FSTL5: variants seen among roughly 807,000 people sequenced by gnomAD.
FSTL5 encodes the protein follistatin like 5.
Under a neutral mutation model 89.1 loss-of-function variants are expected in FSTL5, and 62 were observed. The ratio of observed to expected loss-of-function variants is 0.70; its 90% confidence interval spans 0.57 to 0.86. The LOEUF (loss-of-function observed/expected upper bound fraction) is 0.86, where lower values mean the gene tolerates loss of function less well. Ranked by LOEUF, FSTL5 falls within the 40% of genes least tolerant of loss-of-function variation. FSTL5 has a pLI of 0.00. For synonymous variants in FSTL5, 383 were observed against 346.2 expected (o/e 1.11, Z -1.18); for missense variants, 1,057 against 1,001.6 (o/e 1.06, Z -0.75).
chr4:161,645,927 T>C (rs1264735839), intron 7 of FSTL5, among the ~76,000 whole-genome samples: 2 of 151,866 alleles, frequency 1.3e-5, no homozygotes, highest in African/African-American at 4.8e-5. Flanking sequence ...TGAAGTGGAA[T>C]AAGAAGTGCA....
chr4:161,616,271 GAT>G (rs1411163223), intron 7 of FSTL5, among the ~76,000 whole-genome samples: 3 of 151,960 alleles, frequency 2.0e-5, no homozygotes, highest in African/African-American at 7.3e-5. Flanking sequence ...TATTTTTAGA[GAT>G]GGGGTTTCAC....
intron 9 of FSTL5, among the ~76,000 whole-genome samples, chr4:161,539,204 T>C (rs1472063055): frequency 6.6e-6 from 1 of 151,952 alleles, no homozygotes; most frequent in East Asian, 1.9e-4. Flanking sequence ...TGTGTGTGTT[T>C]GTGTACATAT....
At chr4:161,629,820 G>C (rs1302341159) in intron 7 of FSTL5, among the ~76,000 whole-genome samples, 2 of 152,168 alleles carry the variant, frequency 1.3e-5, no homozygotes, top group African/African-American at 2.4e-5. Flanking sequence ...GCCTGACTAC[G>C]GGAAATTACA....
intron 10 of FSTL5, among the ~76,000 whole-genome samples, chr4:161,534,430 T>C (rs564661753): frequency 6.6e-6 from 1 of 152,178 alleles, no homozygotes; most frequent in East Asian, 1.9e-4. Flanking sequence ...TATATACCAA[T>C]TCCATTGTAG....
chr4:161,560,540 A>T (rs1457127191), intron 8 of FSTL5, among the ~76,000 whole-genome samples: 1 of 150,804 alleles, frequency 6.6e-6, no homozygotes, highest in Non-Finnish European at 1.5e-5. Context: ...AAATGTACAA[A>T]TTTTTTATAT....
At chr4:161,720,204 C>A (rs377454586) in intron 6 of FSTL5, among the ~76,000 whole-genome samples, 18 of 142,056 alleles carry the variant, frequency 1.3e-4, no homozygotes, top group South Asian at 2.2e-4. Flanking sequence ...AACACAATAG[C>A]AAAAAAAAAA....
At chr4:161,727,743 T>C (rs1739469992) in intron 6 of FSTL5, among the ~76,000 whole-genome samples, 2 of 152,158 alleles carry the variant, frequency 1.3e-5, no homozygotes, top group African/African-American at 4.8e-5. Context: ...GAAATGCCTC[T>C]ATTTGCCCTT....
chr4:161,889,599 G>A (rs1021560007), intron 4 of FSTL5, among the ~76,000 whole-genome samples: 18 of 152,142 alleles, frequency 1.2e-4, no homozygotes, highest in African/African-American at 1.7e-4. Context: ...AGCCAAGATC[G>A]TGCCATTGCA....
At chr4:161,945,708 T>TG (rs1185856580) in intron 3 of FSTL5, among the ~76,000 whole-genome samples, 1 of 152,084 alleles carries the variant, frequency 6.6e-6, no homozygotes, top group Non-Finnish European at 1.5e-5. Flanking sequence ...GCCAAGATGG[T>TG]GCCATTGCAC....
intron 7 of FSTL5, among the ~76,000 whole-genome samples, chr4:161,653,150 A>G (rs958115177): frequency 2.0e-5 from 3 of 152,188 alleles, no homozygotes; most frequent in African/African-American, 7.2e-5. Flanking sequence ...GAAATTTAAT[A>G]AAGACTATTA....
At chr4:161,884,012 C>G (rs904528314) in intron 4 of FSTL5, among the ~76,000 whole-genome samples, 1 of 151,664 alleles carries the variant, frequency 6.6e-6, no homozygotes, top group African/African-American at 2.4e-5. Context: ...TTTATACATT[C>G]TTTTGAATTT....
intron 2 of FSTL5, among the ~76,000 whole-genome samples, chr4:162,097,506 T>G (rs2111373470): frequency 6.6e-6 from 1 of 151,982 alleles, no homozygotes; most frequent in East Asian, 1.9e-4. Flanking sequence ...TTCTACAAAA[T>G]TATATTAAAC....
chr4:161,789,313 C>T (rs1286066812), intron 4 of FSTL5, among the ~76,000 whole-genome samples: 1 of 152,018 alleles, frequency 6.6e-6, no homozygotes, highest in Non-Finnish European at 1.5e-5. Flanking sequence ...AAAGGGACGA[C>T]TAGGTGTTGC....
intron 6 of FSTL5, among the ~76,000 whole-genome samples, chr4:161,684,154 C>T (rs940210359): frequency 2.0e-5 from 3 of 150,874 alleles, no homozygotes; most frequent in Non-Finnish European, 4.4e-5. Context: ...TGGTATACTA[C>T]AATTTCTTTA....
At chr4:161,721,006 C>G (rs570525695) in intron 6 of FSTL5, among the ~76,000 whole-genome samples, 1 of 152,030 alleles carries the variant, frequency 6.6e-6, no homozygotes, top group African/African-American at 2.4e-5. Context: ...TGGCCGGGCG[C>G]GGTGGCTCAC....
At chr4:161,736,844 T>A (rs1739834567) in intron 6 of FSTL5, among the ~76,000 whole-genome samples, 1 of 152,052 alleles carries the variant, frequency 6.6e-6, no homozygotes, top group Admixed American at 6.6e-5. Flanking sequence ...TGTGGGTGTG[T>A]GTTGAATTAA....
At chr4:162,100,921 T>C (rs1282964133) in intron 2 of FSTL5, among the ~76,000 whole-genome samples, 1 of 152,194 alleles carries the variant, frequency 6.6e-6, no homozygotes. Flanking sequence ...TCTGATAACA[T>C]ACGAGAGCAC....
At chr4:161,620,655 TCAAAAA>T (rs1045162086) in intron 7 of FSTL5, among the ~76,000 whole-genome samples, 6 of 151,750 alleles carry the variant, frequency 4.0e-5, no homozygotes, top group South Asian at 2.1e-4. Flanking sequence ...AAACTCCATC[TCAAAAA>T]CAAAAACAAA....
At chr4:161,532,432 T>C (rs1038979162) in intron 10 of FSTL5, among the ~76,000 whole-genome samples, 4 of 152,220 alleles carry the variant, frequency 2.6e-5, no homozygotes, top group African/African-American at 9.6e-5. Flanking sequence ...GCAAAATTTA[T>C]ACTCTTCAGT....
Sources: gnomAD v4.1 joint callset for allele counts (sites outside exome capture counted in the v4.1 genomes callset) on GRCh38, gnomAD v4.1.1 for gene constraint, MANE v1.5 for transcripts, NCBI Gene and HGNC (gene_info 2026-07-23, HGNC 2026-07-21) for gene names.